Variants in INO80 observed in about 807,000 individuals in gnomAD.
INO80 encodes the protein chromatin-remodeling ATPase INO80.
In INO80, 20 loss-of-function variants were observed where a neutral mutation model predicts 203.4. The observed-to-expected ratio is 0.10, with a 90% CI of 0.07 to 0.14. INO80 has a LOEUF of 0.14. Ranked by LOEUF, INO80 falls within the 10% of genes least tolerant of loss-of-function variation. The pLI, the probability that INO80 is intolerant of heterozygous loss-of-function variation, is 1.00. For synonymous variants in INO80, 726 were observed against 685.2 expected (o/e 1.06, Z -0.93); for missense variants, 1,419 against 1,914.4 (o/e 0.74, Z 4.83).
At chr15:40,981,390 A>G (rs1415665151) in intron 35 of INO80, among the ~76,000 whole-genome samples, 2 of 152,222 alleles carry the variant, frequency 1.3e-5, no homozygotes, top group Non-Finnish European at 1.5e-5. Context: ...AGCCTGGACT[A>G]CTGGCATGAC....
At chr15:41,084,888 C>T (rs927988359) in intron 7 of INO80, among the ~76,000 whole-genome samples, 10 of 152,106 alleles carry the variant, frequency 6.6e-5, no homozygotes, top group Non-Finnish European at 1.2e-4. Context: ...AAACATGTGC[C>T]GCTACGCCCA....
chr15:41,014,031 T>C (rs1427427260), intron 27 of INO80, among the ~76,000 whole-genome samples: 8 of 152,238 alleles, frequency 5.3e-5, no homozygotes, highest in Admixed American at 4.6e-4. Flanking sequence ...GCACTTATCC[T>C]GAACAAAGCT....
chr15:41,076,415 A>G (rs1044460912), intron 9 of INO80, among the ~76,000 whole-genome samples: 2 of 152,046 alleles, frequency 1.3e-5, no homozygotes, highest in Non-Finnish European at 2.9e-5. Flanking sequence ...TGTGATAATA[A>G]TAGCTACAAA....
In INO80 at chr15:40,979,460, G is replaced by C. The variant is rs1175873831; in HGVS notation, c.*763C>G. ...AGACTGTGCATTCAGGATGGGCAAA[G>C]GGGACTCTGCAAGAGGGGCAGTGAG... On this transcript the variant is annotated 3_prime_UTR_variant, in exon 36 of 36. Transcript: ENST00000648947. 1 of 153,482 alleles carries C rather than the reference G, an allele frequency of 6.5e-6. No homozygotes were observed. The highest frequency in any genetic ancestry group is 1.9e-4 in the East Asian group (1 of 5,226). The allele number at this position is 153,482 out of a possible 1,614,324, so 9.5% of individuals were successfully genotyped here.
chr15:41,064,902 CAGA>C (rs772718573), intron 14 of INO80, among the ~76,000 whole-genome samples: 1 of 151,938 alleles, frequency 6.6e-6, no homozygotes, highest in Non-Finnish European at 1.5e-5. Context: ...GAGCTTGAGG[CAGA>C]AGAACTGCTT....
intron 35 of INO80, 119 bp from the exon 36 acceptor site, chr15:40,980,559 G>A: frequency 1.5e-6 from 1 of 681,220 alleles, no homozygotes. Context: ...ATTCCTCCCT[G>A]CCACTCCTTG....
rs985738971 is a variant in INO80, at chr15:41,016,012, A to G, written c.3402+76T>C. The G allele has an allele frequency of 2.5e-6, 3 of 1,217,852 alleles. No homozygotes were observed. The African/African-American group carries it at 4.6e-5, about 19-fold the overall frequency. The allele number at this position is 1,217,852 out of a possible 1,614,324, so 75.4% of individuals were successfully genotyped here. ...TTTGGGGCTCCCATTAAGCAGGACTAACATTAGTCATGGACATCTGATTCC... is the reference window on the plus strand; with the variant it reads ...TTTGGGGCTCCCATTAAGCAGGACTGACATTAGTCATGGACATCTGATTCC... On this transcript the variant is annotated intron_variant, in intron 27 of 35. Transcript: ENST00000648947.
At chr15:41,038,712 T>G (rs949833908) in intron 24 of INO80, among the ~76,000 whole-genome samples, 1 of 152,202 alleles carries the variant, frequency 6.6e-6, no homozygotes, top group Non-Finnish European at 1.5e-5. Flanking sequence ...CTATCGGGTC[T>G]TTAGTACCTG....
At chr15:41,054,245 T>C (rs1293646475) in intron 18 of INO80, among the ~76,000 whole-genome samples, 2 of 152,232 alleles carry the variant, frequency 1.3e-5, no homozygotes, top group Non-Finnish European at 2.9e-5. Context: ...TTCATTAGAA[T>C]TCATTTTTAG....
intron 1 of INO80, among the ~76,000 whole-genome samples, chr15:41,107,507 A>C (rs912371342): frequency 1.3e-5 from 2 of 152,074 alleles, no homozygotes; most frequent in African/African-American, 4.8e-5. Flanking sequence ...TCATTAAAAA[A>C]TAACTAACTA....
intron 24 of INO80, among the ~76,000 whole-genome samples, chr15:41,033,337 ATTTT>A (rs552646852): frequency 2.2e-5 from 3 of 138,974 alleles, no homozygotes; most frequent in Admixed American, 7.2e-5. Flanking sequence ...CTGAATCAGA[ATTTT>A]TTTTTTTTTT....
At chr15:40,999,039 T>C (rs1361189559) in intron 28 of INO80, among the ~76,000 whole-genome samples, 1 of 146,942 alleles carries the variant, frequency 6.8e-6, no homozygotes, top group Non-Finnish European at 1.5e-5. Context: ...CTCAGTTTGG[T>C]GCTTTAGATG....
chr15:40,994,088 A>G (rs1185096180), intron 29 of INO80, among the ~76,000 whole-genome samples: 1 of 152,058 alleles, frequency 6.6e-6, no homozygotes, highest in Non-Finnish European at 1.5e-5. Context: ...CTCTCCCCAT[A>G]GTTGATTCTG....
chr15:40,984,126 G>C (rs892938465), intron 33 of INO80, 71 bp downstream of exon 33: 1 of 1,512,314 alleles, frequency 6.6e-7, no homozygotes, highest in Non-Finnish European at 9.1e-7. Flanking sequence ...AGACTGCCCA[G>C]CAGTGTGTCC....
intron 20 of INO80, 107 bp from the exon 21 acceptor site, chr15:41,049,527 C>A (rs2044828882): frequency 1.0e-6 from 1 of 986,878 alleles, no homozygotes; most frequent in Non-Finnish European, 1.5e-6. Flanking sequence ...GGATACTTTC[C>A]CATTTTCATC....
Position 40,983,835 on chromosome 15 carries a change from G to A in INO80, c.4164C>T (p.Ala1388=). The A allele has an allele frequency of 6.2e-7, 1 of 1,612,988 alleles. No homozygotes were observed. Among genetic ancestry groups the A allele is most frequent in the Non-Finnish European group, 8.5e-7 (1 of 1,179,944 alleles). The change falls in exon 34 of 36, where the codon GCC becomes GCT. Residue 1388 remains alanine (A), a synonymous_variant. Transcript: ENST00000648947. ...SDMLVIVDDP[A]SSAPQSRATN... is the part of the protein sequence containing the mutation. ...TAGCTCGAGACTGAGGGGCTGAGGA[G>A]GCTGGGTCATCCACAATGACCAGCA... is the stretch of plus-strand genomic sequence containing the variant.
chr15:41,008,070 A>T (rs1419538364), intron 27 of INO80, among the ~76,000 whole-genome samples: 1 of 152,162 alleles, frequency 6.6e-6, no homozygotes, highest in Non-Finnish European at 1.5e-5. Context: ...GCTACTCAGG[A>T]GGCTGAGGTG....
In INO80 at chr15:40,983,883, G is replaced by A. The variant is rs893040598; in HGVS notation, c.4116C>T (p.Pro1372=). 2 of 1,613,624 alleles carry A rather than the reference G, an allele frequency of 1.2e-6. No individual in the cohort carries two copies. Among genetic ancestry groups the A allele is most frequent in the Non-Finnish European group, 1.7e-6 (2 of 1,179,988 alleles). Residue 1372 remains proline (P), a synonymous_variant, in exon 34 of 36, where the codon CCC becomes CCT. Coordinates refer to ENST00000648947, the MANE Select transcript of INO80 (RefSeq NM_017553.3). ...ISSELHTGSI[P]LDESSSDMLV... ...GCATGTCACTGCTGCTCTCGTCCAG[G>A]GGAATGGAGCCAGTGTGCAGCTCAC...
intron 1 of INO80, chr15:41,109,238 G>GA (rs1174703166): frequency 6.6e-6 from 1 of 152,296 alleles, no homozygotes; most frequent in Non-Finnish European, 1.5e-5. Flanking sequence ...CGGATCACTT[G>GA]AGGTCAAGAG....
Sources: allele counts gnomAD v4.1 joint callset (sites outside exome capture counted in the v4.1 genomes callset), GRCh38; gene constraint gnomAD v4.1.1; transcripts MANE v1.5; gene names NCBI Gene and HGNC (gene_info 2026-07-23, HGNC 2026-07-21).